CFAP299: variants seen among roughly 807,000 people sequenced by gnomAD.
CFAP299 encodes cilia- and flagella-associated protein 299.
CFAP299 carries 21 observed loss-of-function variants against 27.0 expected under a neutral mutation model. The ratio of observed to expected loss-of-function variants is 0.78; its 90% CI spans 0.55 to 1.12. The LOEUF is 1.12. Among genes scored for constraint, CFAP299 ranks in the 50% most tolerant of loss-of-function variants. CFAP299 has a pLI of 0.00. For synonymous variants in CFAP299, 104 were observed against 98.1 expected (o/e 1.06, Z -0.36); for missense variants, 310 against 276.6 (o/e 1.12, Z -0.86).
chr4:80,382,810 A>G (rs944846025), intron 2 of CFAP299, among the ~76,000 whole-genome samples: 10 of 152,182 alleles, frequency 6.6e-5, no homozygotes, highest in African/African-American at 2.4e-4. Context: ...TGACCCAGCA[A>G]TCCCATTACG....
chr4:80,766,020 A>T (rs1299619238), intron 3 of CFAP299, among the ~76,000 whole-genome samples: 2 of 152,104 alleles, frequency 1.3e-5, no homozygotes, highest in African/African-American at 4.8e-5. Context: ...GAAAAAAATG[A>T]TAGCTAAACA....
chr4:80,562,018 A>G (rs1165560684), intron 2 of CFAP299, among the ~76,000 whole-genome samples: 1 of 152,194 alleles, frequency 6.6e-6, no homozygotes, highest in Non-Finnish European at 1.5e-5. Context: ...GAATGAGGTT[A>G]AAGTGTAGAG....
rs1439496632 is a variant in CFAP299, at chr4:80,915,917, C to T, written c.477-28893C>T. 2.6e-5 allele frequency among the ~76,000 whole-genome samples: 4 copies of T among 151,802 alleles called. No homozygotes were observed. In the East Asian group the frequency reaches 7.8e-4, roughly 29 times the overall value. ...TATATATTAGGTGTTTTACATTTGG[C>T]GACCAGTCATTTCTACTTTGTCATT... is the stretch of plus-strand genomic sequence containing the variant. On this transcript the variant is annotated intron_variant, in intron 4 of 5. Coordinates refer to ENST00000358105, the MANE Select transcript of CFAP299 (RefSeq NM_152770.3).
intron 3 of CFAP299, among the ~76,000 whole-genome samples, chr4:80,678,791 G>T (rs185621572): frequency 6.6e-5 from 10 of 152,106 alleles, no homozygotes; most frequent in African/African-American, 1.9e-4. Context: ...TGCAAAAATA[G>T]TATTAATATG....
chr4:80,672,173 G>T (rs979918595), intron 3 of CFAP299, among the ~76,000 whole-genome samples: 23 of 152,110 alleles, frequency 1.5e-4, no homozygotes, highest in African/African-American at 5.3e-4. Context: ...TCTCAGATAT[G>T]TTCCATCAAT....
chr4:80,569,797 A>G (rs1317642261), intron 2 of CFAP299, among the ~76,000 whole-genome samples: 1 of 152,036 alleles, frequency 6.6e-6, no homozygotes, highest in Admixed American at 6.6e-5. Context: ...AACTTTATTG[A>G]AAAAACTTTA....
At chr4:80,884,129 T>C (rs975102114) in intron 4 of CFAP299, among the ~76,000 whole-genome samples, 3 of 152,140 alleles carry the variant, frequency 2.0e-5, no homozygotes, top group Non-Finnish European at 4.4e-5. Flanking sequence ...TTCTCCACTT[T>C]CAACAATGTA....
chr4:80,713,182 T>C (rs1166578848), intron 3 of CFAP299, among the ~76,000 whole-genome samples: 2 of 152,040 alleles, frequency 1.3e-5, no homozygotes, highest in African/African-American at 2.4e-5. Flanking sequence ...GGAAACCCTC[T>C]CAGGAGGTTA....
At position 80,576,189 on chromosome 4, in the gene CFAP299, A is replaced by AT. The variant is rs1393794386; in HGVS notation, c.243-6904_243-6903insT. Among the ~76,000 whole-genome samples the AT allele has an allele frequency of 7.0e-5, 3 of 42,974 alleles. No individual in the cohort carries two copies. The South Asian group carries it at 5.8e-3, about 84-fold the overall frequency. The allele number at this position is 42,974 out of a possible 152,430, so 28.2% of individuals were successfully genotyped here. ...CCCTAGAACTTAAAGTATAATAATAAAAAAAAAAATATATATATATATATA... is the reference window on the plus strand; with the variant it reads ...CCCTAGAACTTAAAGTATAATAATAATAAAAAAAAATATATATATATATATA... On this transcript the variant is annotated intron_variant, in intron 2 of 5. Transcript: ENST00000358105.
intron 3 of CFAP299, among the ~76,000 whole-genome samples, chr4:80,737,560 A>T (rs1261137136): frequency 1.3e-5 from 2 of 152,024 alleles, no homozygotes; most frequent in Non-Finnish European, 2.9e-5. Flanking sequence ...TAGATTTTCC[A>T]ATTTATTGGC....
intron 3 of CFAP299, among the ~76,000 whole-genome samples, chr4:80,712,542 G>A (rs1380236944): frequency 6.6e-6 from 1 of 152,150 alleles, no homozygotes; most frequent in African/African-American, 2.4e-5. Context: ...TGAATTAAAT[G>A]TGTAAGTCAA....
chr4:80,855,536 C>G (rs1047203470), intron 3 of CFAP299, among the ~76,000 whole-genome samples: 14 of 152,342 alleles, frequency 9.2e-5, no homozygotes, highest in African/African-American at 3.4e-4. Context: ...AGGTATATCT[C>G]ACAATGCTAT....
At position 80,385,663 on chromosome 4, in the gene CFAP299, G is replaced by A. The variant is rs1724936845; in HGVS notation, c.242+22779G>A. ...AAGCCAGATCTGTCTCACAGCTGCAGTCCAGCCGTGACAGTTGAGTGCCTC... is the reference window on the plus strand; with the variant it reads ...AAGCCAGATCTGTCTCACAGCTGCAATCCAGCCGTGACAGTTGAGTGCCTC... On this transcript the variant is annotated intron_variant, in intron 2 of 5. Coordinates refer to ENST00000358105, the MANE Select transcript of CFAP299 (RefSeq NM_152770.3). Among the ~76,000 whole-genome samples, 3 of 152,320 alleles carry A rather than the reference G, an allele frequency of 2.0e-5. No homozygotes were observed. The South Asian group carries it at 6.2e-4, about 32-fold the overall frequency.
chr4:80,913,672 T>C (rs1372170222), intron 4 of CFAP299, among the ~76,000 whole-genome samples: 3 of 152,198 alleles, frequency 2.0e-5, no homozygotes, highest in African/African-American at 7.2e-5. Context: ...TGGCATGCAG[T>C]TTCTTTTTAG....
chr4:80,790,692 C>CA (rs1727511669), intron 3 of CFAP299, among the ~76,000 whole-genome samples: 1 of 151,938 alleles, frequency 6.6e-6, no homozygotes, highest in South Asian at 2.1e-4. Context: ...CCCTAGAACA[C>CA]AAAAAATAAA....
intron 3 of CFAP299, among the ~76,000 whole-genome samples, chr4:80,736,241 C>T (rs112083931): frequency 0.1 from 15,248 of 152,060 alleles, 933 homozygotes; most frequent in African/African-American, 0.16. Context: ...TTTAATCCAT[C>T]TTGAATTGAT....
intron 3 of CFAP299, among the ~76,000 whole-genome samples, chr4:80,737,407 A>G (rs6842792): frequency 0.045 from 6,914 of 152,232 alleles, 545 homozygotes; most frequent in African/African-American, 0.16. Flanking sequence ...CAGTGAATCC[A>G]TCAGTTCTCA....
chr4:80,637,676 A>C (rs1435807559), intron 3 of CFAP299, among the ~76,000 whole-genome samples: 1 of 152,228 alleles, frequency 6.6e-6, no homozygotes. Context: ...GCAAACATGT[A>C]AGGTAGTCTC....
At chr4:80,804,933 T>A (rs1251051256) in intron 3 of CFAP299, among the ~76,000 whole-genome samples, 1 of 152,126 alleles carries the variant, frequency 6.6e-6, no homozygotes, top group Non-Finnish European at 1.5e-5. Context: ...GCCTTATAGC[T>A]TTTATGTTCC....
Sources: allele counts gnomAD v4.1 joint callset (sites outside exome capture counted in the v4.1 genomes callset), GRCh38; gene constraint gnomAD v4.1.1; transcripts MANE v1.5; gene names NCBI Gene and HGNC (gene_info 2026-07-23, HGNC 2026-07-21).